Variants in TEAD1 observed in about 807,000 individuals in gnomAD.
The protein encoded by TEAD1 is transcriptional enhancer factor TEF-1.
Under a neutral mutation model 54.9 loss-of-function variants are expected in TEAD1, and 9 were observed. The observed-to-expected ratio is 0.16, with a 90% CI of 0.10 to 0.29. The LOEUF is 0.29. Ranked by LOEUF, TEAD1 falls within the 10% of genes least tolerant of loss-of-function variation. The probability of loss-of-function intolerance (pLI) is 1.00; values close to 1 mark genes in which losing one functional copy is unlikely to be tolerated. For synonymous variants in TEAD1, 200 were observed against 187.8 expected, an observed-to-expected ratio of 1.07 and a Z score of -0.53; for missense variants, 387 against 535.9, an observed-to-expected ratio of 0.72 and a Z score of 2.74.
At chr11:12,689,439 A>G (rs1212555693) in intron 2 of TEAD1, among the ~76,000 whole-genome samples, 1 of 152,178 alleles carries the variant, frequency 6.6e-6, no homozygotes, top group Non-Finnish European at 1.5e-5. Flanking sequence ...CTTCTGAAGC[A>G]CAGTTTCCTA....
intron 12 of TEAD1, among the ~76,000 whole-genome samples, chr11:12,931,882 A>T (rs1419267105): frequency 6.6e-6 from 1 of 152,022 alleles, no homozygotes; most frequent in African/African-American, 2.4e-5. Context: ...GGATGAATAA[A>T]ATGAGTCCCT....
At chr11:12,863,224 TGTTTATAACGG>T (rs1947544440) in intron 4 of TEAD1, among the ~76,000 whole-genome samples, 1 of 152,180 alleles carries the variant, frequency 6.6e-6, no homozygotes. Flanking sequence ...TTTTCATGAG[TGTTTATAACGG>T]GGAGAGGCTT....
At chr11:12,806,810 T>G (rs900505960) in intron 3 of TEAD1, among the ~76,000 whole-genome samples, 2 of 152,180 alleles carry the variant, frequency 1.3e-5, no homozygotes, top group African/African-American at 4.8e-5. Context: ...CATTGTCAGG[T>G]CAGGTTTGAA....
chr11:12,758,874 A>G (rs1045457498), intron 2 of TEAD1, among the ~76,000 whole-genome samples: 1 of 152,172 alleles, frequency 6.6e-6, no homozygotes, highest in Admixed American at 6.5e-5. Flanking sequence ...CACATGGTGA[A>G]GAATGAATAA....
chr11:12,763,711 T>C (rs1196821076), intron 2 of TEAD1, among the ~76,000 whole-genome samples: 2 of 152,246 alleles, frequency 1.3e-5, no homozygotes, highest in Non-Finnish European at 2.9e-5. Context: ...TATTTTCTTA[T>C]AAATTACTTG....
At chr11:12,881,839 A>G in intron 7 of TEAD1, 57 bp from the exon 8 acceptor site, 13 of 1,584,892 alleles carry the variant, frequency 8.2e-6, no homozygotes, top group South Asian at 7.7e-5. Flanking sequence ...GGCCTGGGTA[A>G]TAGCCCCTGC....
At chr11:12,781,584 G>A (rs562693331) in intron 3 of TEAD1, among the ~76,000 whole-genome samples, 2 of 151,718 alleles carry the variant, frequency 1.3e-5, no homozygotes, top group East Asian at 3.9e-4. Context: ...TTAGCTAGCA[G>A]GGAAATGCAA....
At chr11:12,693,885 T>C (rs1005815539) in intron 2 of TEAD1, among the ~76,000 whole-genome samples, 5 of 152,248 alleles carry the variant, frequency 3.3e-5, no homozygotes, top group African/African-American at 1.2e-4. Flanking sequence ...AATCCAGGCT[T>C]CAATAACTTC....
At chr11:12,877,302 G>A (rs1266087060) in intron 5 of TEAD1, among the ~76,000 whole-genome samples, 1 of 152,192 alleles carries the variant, frequency 6.6e-6, no homozygotes, top group Non-Finnish European at 1.5e-5. Flanking sequence ...TCCATGAAAA[G>A]CTGTTACTTG....
At chr11:12,905,365 G>A (rs1022757422) in intron 10 of TEAD1, among the ~76,000 whole-genome samples, 1 of 152,138 alleles carries the variant, frequency 6.6e-6, no homozygotes, top group African/African-American at 2.4e-5. Flanking sequence ...CAGTTACTCC[G>A]AGATCAGATA....
chr11:12,680,598 T>A (rs1317949801), intron 2 of TEAD1, among the ~76,000 whole-genome samples: 1 of 152,238 alleles, frequency 6.6e-6, no homozygotes, highest in East Asian at 1.9e-4. Flanking sequence ...AGTTGACATC[T>A]GGTTTTCTCT....
At chr11:12,903,980 G>C (rs12291037) in intron 10 of TEAD1, among the ~76,000 whole-genome samples, 23,834 of 152,186 alleles carry the variant, frequency 0.16, 2,307 homozygotes, top group Non-Finnish European at 0.22. Context: ...TCAGTTATAT[G>C]GTAACAGGGT....
At chr11:12,858,520 C>T (rs1055733321) in intron 3 of TEAD1, among the ~76,000 whole-genome samples, 8 of 152,228 alleles carry the variant, frequency 5.3e-5, no homozygotes, top group African/African-American at 1.9e-4. Context: ...CATTTTAGTG[C>T]ATTTAAGATA....
At chr11:12,877,204 C>T (rs899689666) in intron 5 of TEAD1, among the ~76,000 whole-genome samples, 1 of 152,182 alleles carries the variant, frequency 6.6e-6, no homozygotes, top group Non-Finnish European at 1.5e-5. Context: ...TCTTTTGAGG[C>T]CCAGGAATCC....
chr11:12,742,507 GGT>G lies in TEAD1; in HGVS notation c.-54-21670_-54-21669del, dbSNP rs1429816994. On this transcript the variant is annotated intron_variant, in intron 2 of 12. Coordinates refer to ENST00000527636, the MANE Select transcript of TEAD1 (RefSeq NM_021961.6). Reference sequence around the variant, plus strand: ...GTTTCTCTTAGGAGGAATAAATTCTGGTGCATAACATGGTGACTGTAGTTAAT... The same window carrying G: ...GTTTCTCTTAGGAGGAATAAATTCTGGCATAACATGGTGACTGTAGTTAAT... Among the ~76,000 whole-genome samples the G allele has an allele frequency of 1.2e-4, 18 of 152,134 alleles. No individual in the cohort carries two copies. The South Asian group carries it at 3.7e-3, about 32-fold the overall frequency.
At chr11:12,848,591 G>T (rs1361382935) in intron 3 of TEAD1, among the ~76,000 whole-genome samples, 2 of 152,128 alleles carry the variant, frequency 1.3e-5, no homozygotes, top group East Asian at 3.8e-4. Flanking sequence ...GTTTCAGCAT[G>T]TATAAAATGC....
chr11:12,774,356 AGT>A (rs1945375118), intron 3 of TEAD1, among the ~76,000 whole-genome samples: 1 of 152,192 alleles, frequency 6.6e-6, no homozygotes, highest in Non-Finnish European at 1.5e-5. Context: ...ACAGTGGTAA[AGT>A]GTGCATTTTT....
intron 2 of TEAD1, among the ~76,000 whole-genome samples, chr11:12,742,323 C>A (rs1385173536): frequency 6.6e-6 from 1 of 151,980 alleles, no homozygotes; most frequent in African/African-American, 2.4e-5. Context: ...ATATTTCTAC[C>A]TCTTGTAATT....
At chr11:12,699,321 A>G (rs1167690469) in intron 2 of TEAD1, among the ~76,000 whole-genome samples, 4 of 151,320 alleles carry the variant, frequency 2.6e-5, no homozygotes, top group Non-Finnish European at 4.4e-5. Flanking sequence ...TTTTTTCCCT[A>G]GCTTTTCTCA....
Sources: gnomAD v4.1 joint callset for allele counts (sites outside exome capture counted in the v4.1 genomes callset) on GRCh38, gnomAD v4.1.1 for gene constraint, MANE v1.5 for transcripts, NCBI Gene and HGNC (gene_info 2026-07-23, HGNC 2026-07-21) for gene names.